The following CDK14 variants were observed in gnomAD, a reference collection of about 807,000 sequenced individuals.
CDK14 encodes cyclin-dependent kinase 14.
In CDK14, 34 loss-of-function variants were observed where a neutral mutation model predicts 60.7. The ratio of observed to expected loss-of-function variants is 0.56; its 90% CI spans 0.43 to 0.75. The LOEUF (loss-of-function observed/expected upper bound fraction) is 0.75. Ranked by LOEUF, CDK14 falls within the 30% of genes least tolerant of loss-of-function variation. The pLI, the probability that CDK14 is intolerant of heterozygous loss-of-function variation, is 0.00. For missense variants in CDK14, 482 were observed against 564.1 expected (o/e 0.85, Z 1.47); for synonymous variants, 197 against 203.7 (o/e 0.97, Z 0.28).
chr7:90,692,580 C>A, intron 2 of CDK14: 1 of 475,464 alleles, frequency 2.1e-6, no homozygotes, highest in Non-Finnish European at 2.7e-6. Context: ...CAGCTGTCAG[C>A]AGACTAATGA....
intron 2 of CDK14, 59 bp downstream of exon 2, chr7:90,604,308 G>A: frequency 9.9e-7 from 1 of 1,010,346 alleles, no homozygotes; most frequent in Non-Finnish European, 1.4e-6. Context: ...GGTAAAGTCA[G>A]TAGCTGCCAA....
chr7:90,958,196 A>C (rs924997802), intron 9 of CDK14, among the ~76,000 whole-genome samples: 13 of 152,096 alleles, frequency 8.5e-5, no homozygotes, highest in Non-Finnish European at 8.8e-5. Flanking sequence ...CAAGTTTCTC[A>C]TGATCTAGGG....
intron 10 of CDK14, among the ~76,000 whole-genome samples, chr7:91,038,235 C>T (rs924277048): frequency 6.6e-6 from 1 of 152,204 alleles, no homozygotes; most frequent in Admixed American, 6.5e-5. Flanking sequence ...GTTAGTTTAA[C>T]ATGACTTTTT....
rs368034691 is a variant in CDK14 at position 90,639,787 on chromosome 7, C to G, written c.123+35538C>G. On this transcript the variant is annotated intron_variant, in intron 2 of 14. Transcript: ENST00000380050. ...TGGGCTCCACCCAGTTCGAGCTTCCCGGCTGCTTTGTTTACCTAAGCAAGC... is the reference window on the plus strand; with the variant it reads ...TGGGCTCCACCCAGTTCGAGCTTCCGGGCTGCTTTGTTTACCTAAGCAAGC... 5.9e-5 allele frequency among the ~76,000 whole-genome samples: 9 copies of G among 152,060 alleles called. No individual in the cohort carries two copies. In the South Asian group the frequency reaches 6.2e-4, roughly 11 times the overall value.
chr7:90,753,919 C>T (rs1438329821), intron 4 of CDK14, among the ~76,000 whole-genome samples: 3 of 152,054 alleles, frequency 2.0e-5, no homozygotes, highest in African/African-American at 7.2e-5. Flanking sequence ...AAATGTCTAA[C>T]CAAGGAGGTT....
chr7:90,671,055 G>T (rs1346471466), intron 2 of CDK14, among the ~76,000 whole-genome samples: 1 of 152,144 alleles, frequency 6.6e-6, no homozygotes, highest in Non-Finnish European at 1.5e-5. Context: ...CAAGTTGCCA[G>T]CTGGATGTCT....
At chr7:90,914,689 T>C (rs575456594) in intron 7 of CDK14, among the ~76,000 whole-genome samples, 2 of 152,326 alleles carry the variant, frequency 1.3e-5, no homozygotes, top group South Asian at 4.1e-4. Flanking sequence ...TAATATGGCA[T>C]CCTATTTGAA....
At chr7:90,603,383 G>T (rs10251893) in intron 1 of CDK14, among the ~76,000 whole-genome samples, 144,169 of 152,294 alleles carry the variant, frequency 0.95, 68,277 homozygotes, top group East Asian at 1. Flanking sequence ...TCTATGTTTA[G>T]ATACACAAAT....
chr7:90,688,332 GA>G (rs927089353), intron 2 of CDK14, among the ~76,000 whole-genome samples: 7 of 152,098 alleles, frequency 4.6e-5, no homozygotes, highest in African/African-American at 1.7e-4. Context: ...AATTAAATAG[GA>G]AAAGGAAATA....
chr7:90,683,064 A>C (rs1190743741), intron 2 of CDK14, among the ~76,000 whole-genome samples: 1 of 152,134 alleles, frequency 6.6e-6, no homozygotes, highest in Non-Finnish European at 1.5e-5. Context: ...GTGGGGAGAC[A>C]TTTTAATTCC....
intron 14 of CDK14, among the ~76,000 whole-genome samples, chr7:91,203,430 T>C (rs60698900): frequency 3.8e-4 from 58 of 152,290 alleles, no homozygotes; most frequent in African/African-American, 1.3e-3. Flanking sequence ...ATCAAGAACA[T>C]ACTGATGCCA....
chr7:90,745,679 G>A (rs1172482621), intron 3 of CDK14, among the ~76,000 whole-genome samples: 1 of 152,160 alleles, frequency 6.6e-6, no homozygotes, highest in Non-Finnish European at 1.5e-5. Context: ...CTCCCAAAGT[G>A]CTGGGATTAC....
At chr7:90,832,883 C>T (rs919410563) in intron 5 of CDK14, among the ~76,000 whole-genome samples, 1 of 152,148 alleles carries the variant, frequency 6.6e-6, no homozygotes, top group Admixed American at 6.6e-5. Flanking sequence ...AGGTCAGAGG[C>T]GATGAGAAAG....
At chr7:90,657,430 G>A (rs1039550822) in intron 2 of CDK14, among the ~76,000 whole-genome samples, 16 of 152,160 alleles carry the variant, frequency 1.1e-4, no homozygotes, top group Non-Finnish European at 2.2e-4. Flanking sequence ...AAAATCTAAA[G>A]CTGGATGTAA....
At chr7:91,044,329 T>C (rs533693993) in intron 10 of CDK14, among the ~76,000 whole-genome samples, 2 of 152,160 alleles carry the variant, frequency 1.3e-5, no homozygotes, top group Admixed American at 6.5e-5. Context: ...CTGGAATCAA[T>C]AGAAAGGAAT....
chr7:90,847,067 G>C (rs1453002134), intron 5 of CDK14, among the ~76,000 whole-genome samples: 1 of 152,114 alleles, frequency 6.6e-6, no homozygotes, highest in Non-Finnish European at 1.5e-5. Context: ...TCTTACTTAG[G>C]GAAGGAGGGT....
At chr7:90,886,973 C>G (rs1280618242) in intron 6 of CDK14, among the ~76,000 whole-genome samples, 1 of 152,078 alleles carries the variant, frequency 6.6e-6, no homozygotes, top group Non-Finnish European at 1.5e-5. Flanking sequence ...ATTTGACAGA[C>G]AAGTCAGGAA....
intron 5 of CDK14, among the ~76,000 whole-genome samples, chr7:90,832,778 A>G (rs1789954267): frequency 6.6e-6 from 1 of 152,228 alleles, no homozygotes; most frequent in Non-Finnish European, 1.5e-5. Context: ...CTTTAGCTTA[A>G]GAACATAGGT....
At chr7:90,731,602 A>G (rs1256602310) in intron 3 of CDK14, among the ~76,000 whole-genome samples, 2 of 152,148 alleles carry the variant, frequency 1.3e-5, no homozygotes, top group African/African-American at 2.4e-5. Flanking sequence ...CTTTGTAGCA[A>G]TTGTGAATGG....
Sources: allele counts gnomAD v4.1 joint callset (sites outside exome capture counted in the v4.1 genomes callset), GRCh38; gene constraint gnomAD v4.1.1; transcripts MANE v1.5; gene names NCBI Gene and HGNC (gene_info 2026-07-23, HGNC 2026-07-21).